Variants in SNTG1 observed in about 807,000 individuals in gnomAD.
SNTG1 encodes the protein gamma-1-syntrophin.
In SNTG1, 39 loss-of-function variants were observed where a neutral mutation model predicts 74.7. That is an observed-to-expected ratio of 0.52 (90% CI 0.40 to 0.68). The LOEUF (loss-of-function observed/expected upper bound fraction) is 0.68, where lower values mean the gene tolerates loss of function less well. Among genes scored for constraint, SNTG1 ranks in the 30% least tolerant of loss-of-function variants. SNTG1 has a pLI of 0.00. For missense variants in SNTG1, 685 were observed against 609.5 expected, an observed-to-expected ratio of 1.12 and a Z score of -1.30; for synonymous variants, 254 against 217.1, an observed-to-expected ratio of 1.17 and a Z score of -1.49.
chr8:50,082,547 T>A (rs910630156), intron 1 of SNTG1, among the ~76,000 whole-genome samples: 3 of 152,180 alleles, frequency 2.0e-5, no homozygotes, highest in African/African-American at 7.2e-5. Context: ...ACGTAACTGG[T>A]CATCTTAAGA....
At chr8:50,322,288 T>C (rs909595630) in intron 2 of SNTG1, among the ~76,000 whole-genome samples, 1 of 151,918 alleles carries the variant, frequency 6.6e-6, no homozygotes. Context: ...AAAAAAGGTG[T>C]TTTTTTCTTT....
At chr8:49,924,181 T>G (rs1022002064) in intron 1 of SNTG1, among the ~76,000 whole-genome samples, 1 of 152,148 alleles carries the variant, frequency 6.6e-6, no homozygotes, top group African/African-American at 2.4e-5. Context: ...TTCAACAATA[T>G]ATAGAATTAT....
At chr8:50,578,116 A>G (rs1018199269) in intron 12 of SNTG1, among the ~76,000 whole-genome samples, 5 of 152,242 alleles carry the variant, frequency 3.3e-5, no homozygotes, top group Admixed American at 3.3e-4. Context: ...AGTTAAAATG[A>G]ATAAGACACA....
chr8:50,651,612 C>G (rs2095147051), intron 13 of SNTG1, among the ~76,000 whole-genome samples: 1 of 150,200 alleles, frequency 6.7e-6, no homozygotes, highest in South Asian at 2.1e-4. Context: ...CATGTACCAC[C>G]AAGCCCAACT....
chr8:50,734,909 CTA>C (rs1321218760), intron 17 of SNTG1, among the ~76,000 whole-genome samples: 1 of 131,240 alleles, frequency 7.6e-6, no homozygotes, highest in Non-Finnish European at 1.6e-5. Flanking sequence ...ATATATATAT[CTA>C]TATATATGTC....
chr8:50,036,084 C>T (rs1371730470), intron 1 of SNTG1, among the ~76,000 whole-genome samples: 1 of 152,200 alleles, frequency 6.6e-6, no homozygotes, highest in South Asian at 2.1e-4. Context: ...TTAGGATGGT[C>T]GAAATTGGTG....
chr8:50,243,981 C>G (rs959834085), intron 2 of SNTG1, among the ~76,000 whole-genome samples: 54 of 152,008 alleles, frequency 3.6e-4, no homozygotes, highest in African/African-American at 1.3e-3. Context: ...TAAAGAAATA[C>G]CTGAGACTGG....
intron 9 of SNTG1, among the ~76,000 whole-genome samples, chr8:50,520,516 G>A (rs2094170824): frequency 6.6e-6 from 1 of 151,344 alleles, no homozygotes; most frequent in Non-Finnish European, 1.5e-5. Flanking sequence ...CCTACAGAAT[G>A]GGAGAAAAAA....
intron 15 of SNTG1, among the ~76,000 whole-genome samples, chr8:50,673,568 A>T (rs900281019): frequency 2.0e-5 from 3 of 151,772 alleles, no homozygotes; most frequent in Non-Finnish European, 4.4e-5. Flanking sequence ...AGTTTAAGGA[A>T]TTTTTTGGCT....
intron 1 of SNTG1, among the ~76,000 whole-genome samples, chr8:50,172,290 A>T (rs892089339): frequency 1.3e-5 from 2 of 152,212 alleles, no homozygotes; most frequent in Non-Finnish European, 2.9e-5. Flanking sequence ...CTCCTTTTGA[A>T]GTCAATTTCC....
intron 2 of SNTG1, among the ~76,000 whole-genome samples, chr8:50,211,609 C>A (rs532918161): frequency 1.3e-5 from 2 of 152,144 alleles, no homozygotes; most frequent in East Asian, 3.9e-4. Flanking sequence ...CTATGTATTG[C>A]TACTTCTCAA....
intron 1 of SNTG1, among the ~76,000 whole-genome samples, chr8:49,970,240 G>A (rs1408995731): frequency 3.3e-5 from 5 of 152,034 alleles, no homozygotes; most frequent in Non-Finnish European, 7.4e-5. Flanking sequence ...ATCATCACGA[G>A]GAAATTTCAG....
intron 13 of SNTG1, among the ~76,000 whole-genome samples, chr8:50,609,927 T>C (rs1159511805): frequency 6.6e-6 from 1 of 152,180 alleles, no homozygotes; most frequent in Non-Finnish European, 1.5e-5. Flanking sequence ...AAAACTTCTG[T>C]AAGTTTTTGT....
intron 17 of SNTG1, among the ~76,000 whole-genome samples, chr8:50,740,538 G>A (rs571411943): frequency 2.0e-5 from 3 of 152,082 alleles, no homozygotes; most frequent in Non-Finnish European, 4.4e-5. Context: ...TACCTGGTTG[G>A]TGGGAGTATA....
intron 1 of SNTG1, among the ~76,000 whole-genome samples, chr8:49,975,546 A>C (rs1812113582): frequency 6.6e-6 from 1 of 152,004 alleles, no homozygotes; most frequent in Non-Finnish European, 1.5e-5. Flanking sequence ...TTTTCTTATT[A>C]CTGTTTTCAG....
intron 2 of SNTG1, among the ~76,000 whole-genome samples, chr8:50,382,779 C>G (rs901223200): frequency 6.6e-6 from 1 of 152,108 alleles, no homozygotes; most frequent in Non-Finnish European, 1.5e-5. Flanking sequence ...AGTAGAATAT[C>G]TATGTATGTG....
At chr8:50,700,586 G>T (rs556237335) in intron 15 of SNTG1, among the ~76,000 whole-genome samples, 1 of 152,152 alleles carries the variant, frequency 6.6e-6, no homozygotes, top group Non-Finnish European at 1.5e-5. Context: ...TTCTTAGCAG[G>T]ATCACCTGGT....
In SNTG1 at chr8:49,915,590, G is replaced by C. The variant is rs566423949; in HGVS notation, c.-103+3359G>C. On this transcript the variant is annotated intron_variant, in intron 1 of 18. Coordinates refer to ENST00000642720, the MANE Select transcript of SNTG1 (RefSeq NM_018967.5). ...AATTGGACAAACTTAGTTGACCTGA[G>C]TCTATTTCAACAACTTTCATTTTGA... Among the ~76,000 whole-genome samples the C allele has an allele frequency of 1.7e-4, 26 of 152,266 alleles. No homozygotes were observed. In the South Asian group the frequency reaches 5.0e-3, roughly 29 times the overall value.
At chr8:50,774,960 A>C (rs1355870067) in intron 18 of SNTG1, among the ~76,000 whole-genome samples, 3 of 150,872 alleles carry the variant, frequency 2.0e-5, no homozygotes, top group African/African-American at 7.3e-5. Flanking sequence ...AATTAAAATT[A>C]TATGAATGTA....
Sources: gnomAD v4.1 joint callset for allele counts (sites outside exome capture counted in the v4.1 genomes callset) on GRCh38, gnomAD v4.1.1 for gene constraint, MANE v1.5 for transcripts, NCBI Gene and HGNC (gene_info 2026-07-23, HGNC 2026-07-21) for gene names.